RAB11FIP4: variants seen among roughly 807,000 people sequenced by gnomAD.
The protein encoded by RAB11FIP4 is rab11 family-interacting protein 4.
In RAB11FIP4, 23 loss-of-function variants were observed where a neutral mutation model predicts 74.3. The ratio of observed to expected loss-of-function variants is 0.31; its 90% CI spans 0.22 to 0.44. The LOEUF (loss-of-function observed/expected upper bound fraction) is 0.44. Among genes scored for constraint, RAB11FIP4 ranks in the 20% least tolerant of loss-of-function variants. The pLI, the probability that RAB11FIP4 is intolerant of heterozygous loss-of-function variation, is 1.00. For missense variants in RAB11FIP4, 630 were observed against 863.9 expected (o/e 0.73, Z 3.39); for synonymous variants, 360 against 359.9 (o/e 1.00, Z 0.00).
intron 13 of RAB11FIP4, among the ~76,000 whole-genome samples, chr17:31,530,102 C>T (rs1037833805): frequency 5.3e-5 from 8 of 152,230 alleles, no homozygotes; most frequent in African/African-American, 1.9e-4. Context: ...TCCACAAACC[C>T]TGTGCACTCC....
At chr17:31,397,811 T>C (rs1164767319) in intron 1 of RAB11FIP4, among the ~76,000 whole-genome samples, 1 of 151,536 alleles carries the variant, frequency 6.6e-6, no homozygotes, top group Non-Finnish European at 1.5e-5. Flanking sequence ...TTGGCTGTGC[T>C]GGGAGGAGGC....
chr17:31,504,211 A>G (rs2072274485), intron 3 of RAB11FIP4, among the ~76,000 whole-genome samples: 1 of 147,296 alleles, frequency 6.8e-6, no homozygotes, highest in African/African-American at 2.7e-5. Context: ...GCTCACTGCA[A>G]GCTCTGCCTC....
intron 1 of RAB11FIP4, among the ~76,000 whole-genome samples, chr17:31,404,072 A>G (rs570289682): frequency 2.0e-5 from 3 of 152,318 alleles, no homozygotes; most frequent in Admixed American, 6.5e-5. Flanking sequence ...TGGTGATTCC[A>G]TGGCCCCAGG....
At chr17:31,458,058 A>G (rs1222736507) in intron 3 of RAB11FIP4, among the ~76,000 whole-genome samples, 1 of 152,218 alleles carries the variant, frequency 6.6e-6, no homozygotes, top group Non-Finnish European at 1.5e-5. Context: ...CCTGCCAAGT[A>G]GGTACTGTGG....
chr17:31,525,542 T>G, intron 10 of RAB11FIP4: 1 of 365,958 alleles, frequency 2.7e-6, no homozygotes, highest in Non-Finnish European at 5.0e-6. Flanking sequence ...TGCTGTCAGG[T>G]TCTCCCCTGA....
At chr17:31,501,159 A>G (rs1011206580) in intron 3 of RAB11FIP4, among the ~76,000 whole-genome samples, 1 of 152,106 alleles carries the variant, frequency 6.6e-6, no homozygotes, top group African/African-American at 2.4e-5. Context: ...CAGTATTTCA[A>G]ACTAATCGTG....
chr17:31,418,630 A>C (rs988602750), intron 1 of RAB11FIP4, among the ~76,000 whole-genome samples: 1 of 151,610 alleles, frequency 6.6e-6, no homozygotes, highest in Admixed American at 6.6e-5. Context: ...CACCTGGCTA[A>C]TTTTGTTCAT....
At chr17:31,484,465 A>G (rs1213603140) in intron 3 of RAB11FIP4, among the ~76,000 whole-genome samples, 3 of 151,934 alleles carry the variant, frequency 2.0e-5, no homozygotes, top group Non-Finnish European at 4.4e-5. Context: ...ACATCCTCAT[A>G]GGTGGTGCTA....
intron 3 of RAB11FIP4, among the ~76,000 whole-genome samples, chr17:31,480,973 C>T (rs911907622): frequency 6.6e-6 from 1 of 152,090 alleles, no homozygotes; most frequent in South Asian, 2.1e-4. Flanking sequence ...TCAACCAAGA[C>T]TTGGTACTGA....
At chr17:31,417,683 G>A (rs1034182547) in intron 1 of RAB11FIP4, among the ~76,000 whole-genome samples, 1 of 152,220 alleles carries the variant, frequency 6.6e-6, no homozygotes, top group Non-Finnish European at 1.5e-5. Flanking sequence ...GAGATTTGGG[G>A]GTTCCCATAG....
Position 31,532,692 on chromosome 17 carries a change from C to T in RAB11FIP4, c.*960C>T, listed in dbSNP as rs925247237. On this transcript the variant is annotated 3_prime_UTR_variant, in exon 15 of 15. Transcript: ENST00000621161. ...CCTGGCTCCCTGTCTTCATTCTCCACGCAGCCTGGTGATGGCAGGCCTGGG... is the reference window on the plus strand; with the variant it reads ...CCTGGCTCCCTGTCTTCATTCTCCATGCAGCCTGGTGATGGCAGGCCTGGG... 1.3e-5 allele frequency: 2 copies of T among 152,254 alleles called. No individual in the cohort carries two copies. The highest frequency in any genetic ancestry group is 6.5e-5 in the Admixed American group (1 of 15,288). 9.4% of individuals were successfully genotyped at this position (152,254 alleles called of 1,614,324 possible). A position where few individuals can be genotyped will look rare whatever the true frequency, so the allele number is the denominator to read the frequency against.
At chr17:31,499,074 T>TTTGAG (rs1405128999) in intron 3 of RAB11FIP4, among the ~76,000 whole-genome samples, 1 of 152,132 alleles carries the variant, frequency 6.6e-6, no homozygotes, top group African/African-American at 2.4e-5. Flanking sequence ...TTACTTCGCT[T>TTTGAG]TTGAGTTGAG....
chr17:31,516,368 G>C (rs1266363792), intron 3 of RAB11FIP4, among the ~76,000 whole-genome samples: 1 of 152,042 alleles, frequency 6.6e-6, no homozygotes, highest in Non-Finnish European at 1.5e-5. Flanking sequence ...GACTTTTGTG[G>C]TGGTTTTACC....
chr17:31,513,469 G>A (rs1325036920), intron 3 of RAB11FIP4, among the ~76,000 whole-genome samples: 1 of 152,210 alleles, frequency 6.6e-6, no homozygotes, highest in African/African-American at 2.4e-5. Context: ...GAAGGAGCAA[G>A]GGCTTCCACC....
chr17:31,525,187 C>T lies in RAB11FIP4; in HGVS notation c.1231C>T (p.Leu411=). The T allele has an allele frequency of 1.9e-6, 3 of 1,549,008 alleles. No homozygotes were observed. Among genetic ancestry groups the T allele is most frequent in the Non-Finnish European group, 2.6e-6 (3 of 1,146,894 alleles). The stretch of plus-strand genomic sequence containing the variant: ...GCGCCACCGCGAGGCCTACGGCAAG[C>T]TGGAGAGGGAGAAGGCTACCGAGGT... The part of the protein sequence containing the change: ...ARRHREAYGK[L]EREKATEVEL... Residue 411 remains leucine, a synonymous_variant, in exon 10 of 15, where the codon CTG becomes TTG. Coordinates refer to ENST00000621161, the MANE Select transcript of RAB11FIP4 (RefSeq NM_032932.6).
chr17:31,405,948 G>T (rs1299531441), intron 1 of RAB11FIP4, among the ~76,000 whole-genome samples: 2 of 151,936 alleles, frequency 1.3e-5, no homozygotes, highest in Non-Finnish European at 2.9e-5. Context: ...CTCATCCCAG[G>T]CACCGACTGG....
intron 3 of RAB11FIP4, among the ~76,000 whole-genome samples, chr17:31,450,083 A>G (rs2142701781): frequency 6.6e-6 from 1 of 152,266 alleles, no homozygotes; most frequent in South Asian, 2.1e-4. Flanking sequence ...ATGTAGAACA[A>G]TGGAACTTAT....
chr17:31,526,550 T>C (rs4564638), intron 10 of RAB11FIP4: 108,407 of 152,034 alleles, frequency 0.71, 39,309 homozygotes, highest in African/African-American at 0.86. Context: ...GGTGGTGGGT[T>C]GAGAACGGGA....
intron 3 of RAB11FIP4, among the ~76,000 whole-genome samples, chr17:31,452,497 A>G (rs1384294912): frequency 6.6e-6 from 1 of 152,094 alleles, no homozygotes; most frequent in Non-Finnish European, 1.5e-5. Context: ...ATCTTAAGAA[A>G]ATGCAGATTC....
Sources: allele counts gnomAD v4.1 joint callset (sites outside exome capture counted in the v4.1 genomes callset), GRCh38; gene constraint gnomAD v4.1.1; transcripts MANE v1.5; gene names NCBI Gene and HGNC (gene_info 2026-07-23, HGNC 2026-07-21).